SCIN: variants seen among roughly 807,000 people sequenced by gnomAD.
SCIN encodes the protein scinderin.
Under a neutral mutation model 91.8 loss-of-function variants are expected in SCIN, and 91 were observed. That is an observed-to-expected ratio of 0.99 (90% confidence interval 0.84 to 1.18). SCIN has a LOEUF of 1.18. Among genes scored for constraint, SCIN ranks in the 50% most tolerant of loss-of-function variants. SCIN has a pLI of 0.00. For synonymous variants in SCIN, 367 were observed against 312.6 expected, an observed-to-expected ratio of 1.17 and a Z score of -1.84; for missense variants, 1,087 against 863.9, an observed-to-expected ratio of 1.26 and a Z score of -3.24.
chr7:12,650,529 A>G (rs1373253023), intron 14 of SCIN, among the ~76,000 whole-genome samples: 5 of 152,088 alleles, frequency 3.3e-5, no homozygotes, highest in African/African-American at 9.7e-5. Flanking sequence ...CCATGCTTTC[A>G]TGGTTTGTTC....
At chr7:12,630,283 A>G (rs1437229093) in intron 9 of SCIN, among the ~76,000 whole-genome samples, 1 of 152,158 alleles carries the variant, frequency 6.6e-6, no homozygotes, top group Non-Finnish European at 1.5e-5. Flanking sequence ...AGCTTCTTAG[A>G]TATGTAGACT....
At chr7:12,575,528 C>G (rs748846529) in intron 1 of SCIN, among the ~76,000 whole-genome samples, 2 of 151,962 alleles carry the variant, frequency 1.3e-5, no homozygotes, top group Non-Finnish European at 2.9e-5. Flanking sequence ...CCTCTCTATT[C>G]CTAATTTGAC....
chr7:12,597,141 GA>G (rs767337618), intron 3 of SCIN, among the ~76,000 whole-genome samples: 1 of 152,062 alleles, frequency 6.6e-6, no homozygotes, highest in Non-Finnish European at 1.5e-5. Flanking sequence ...TAGATATAAA[GA>G]AACATTTGTT....
intron 3 of SCIN, among the ~76,000 whole-genome samples, chr7:12,585,283 T>G (rs1782564422): frequency 6.6e-6 from 1 of 152,148 alleles, no homozygotes; most frequent in Admixed American, 6.5e-5. Context: ...ACTTTTGACT[T>G]TTCCCAGCTT....
chr7:12,604,669 G>A lies in SCIN; in HGVS notation c.666+6G>A. ...AACCCTCAGAACTTATAAAGGTATT[G>A]TGACTCCTGTTGTTTGTTAAAGGGT... On this transcript the variant is annotated splice_donor_region_variant and intron_variant, in intron 4 of 15. Transcript: ENST00000297029. 6.4e-7 allele frequency: 1 copy of A among 1,551,340 alleles called. No individual in the cohort carries two copies. Among genetic ancestry groups the A allele is most frequent in the South Asian group, 1.2e-5 (1 of 83,978 alleles).
In SCIN at chr7:12,630,423, G is replaced by T. The variant is rs574144095; in HGVS notation, c.1319+1201G>T. ...GGTTTAGAACACTGACTGCATATTG[G>T]AATAACCTGGACAATTTCTCATAAA... is the stretch of plus-strand genomic sequence containing the variant. On this transcript the variant is annotated intron_variant, in intron 9 of 15. Coordinates refer to ENST00000297029, the MANE Select transcript of SCIN (RefSeq NM_001112706.3). 2.5e-4 allele frequency among the ~76,000 whole-genome samples: 38 copies of T among 152,240 alleles called. 1 individual carries two copies. The highest frequency in any genetic ancestry group is 3.4e-3 in the Middle Eastern group (1 of 294).
At chr7:12,594,544 T>C (rs747787132) in intron 3 of SCIN, among the ~76,000 whole-genome samples, 2 of 152,188 alleles carry the variant, frequency 1.3e-5, no homozygotes, top group Non-Finnish European at 1.5e-5. Context: ...CCAATTGGTA[T>C]TGAGGCCATG....
At chr7:12,588,804 T>TGGGCGGGG (rs1204389002) in intron 3 of SCIN, 1 of 2,644 alleles carries the variant, frequency 3.8e-4, no homozygotes, top group Non-Finnish European at 1.6e-3. Context: ...ACAGCTGCAT[T>TGGGCGGGG]GGGTGGGGGG....
At chr7:12,592,170 T>C (rs1782737246) in intron 3 of SCIN, among the ~76,000 whole-genome samples, 1 of 151,286 alleles carries the variant, frequency 6.6e-6, no homozygotes, top group Non-Finnish European at 1.5e-5. Context: ...TGTAGGGAAA[T>C]GGTAAAGAAG....
At chr7:12,642,084 A>G (rs1783869328) in intron 11 of SCIN, among the ~76,000 whole-genome samples, 1 of 151,524 alleles carries the variant, frequency 6.6e-6, no homozygotes, top group Admixed American at 6.6e-5. Context: ...TTATATATAT[A>G]CTATTATCCA....
chr7:12,606,115 G>A lies in SCIN; in HGVS notation c.666+1452G>A, dbSNP rs1783076089. Among the ~76,000 whole-genome samples, 8 of 152,164 alleles carry A rather than the reference G, an allele frequency of 5.3e-5. 1 individual carries two copies. The South Asian group carries it at 1.7e-3, about 32-fold the overall frequency. The stretch of plus-strand genomic sequence containing the variant: ...TTTGTTCATACAACAAATATTTATT[G>A]TACTCCTGCGATGCGCCAGGCACTA... On this transcript the variant is annotated intron_variant, in intron 4 of 15. Transcript: ENST00000297029.
intron 1 of SCIN, 36 bp from the exon 2 acceptor site, chr7:12,578,027 TG>T (rs773744307): frequency 4.0e-6 from 6 of 1,492,506 alleles, no homozygotes; most frequent in Non-Finnish European, 1.8e-6. Context: ...TCCTTTCTCT[TG>T]CTTGATAATT....
intron 4 of SCIN, among the ~76,000 whole-genome samples, chr7:12,620,026 AG>A (rs1783375273): frequency 6.6e-6 from 1 of 151,966 alleles, no homozygotes; most frequent in African/African-American, 2.4e-5. Context: ...TGCTTTATAA[AG>A]GGATAATTGA....
At chr7:12,608,766 C>A (rs11977329) in intron 4 of SCIN, among the ~76,000 whole-genome samples, 1 of 151,970 alleles carries the variant, frequency 6.6e-6, no homozygotes, top group Non-Finnish European at 1.5e-5. Context: ...TGTGAGCCTA[C>A]GCACCCGGCC....
intron 1 of SCIN, 119 bp downstream of exon 1, chr7:12,571,104 G>T: frequency 1.8e-6 from 2 of 1,139,134 alleles, no homozygotes; most frequent in East Asian, 2.6e-5. Flanking sequence ...AGCCACTCGC[G>T]CCCCCACGGG....
chr7:12,611,733 G>A (rs849788), intron 4 of SCIN, among the ~76,000 whole-genome samples: 143,874 of 152,204 alleles, frequency 0.95, 68,069 homozygotes, highest in East Asian at 1. Flanking sequence ...AAGAGTCTAA[G>A]GCTTTATAGG....
intron 5 of SCIN, among the ~76,000 whole-genome samples, chr7:12,623,525 C>G (rs1291207986): frequency 2.0e-5 from 3 of 151,962 alleles, no homozygotes; most frequent in Non-Finnish European, 4.4e-5. Context: ...TTTTTTTATT[C>G]TTTGTTTGTT....
intron 1 of SCIN, 176 bp downstream of exon 1, chr7:12,571,161 C>T (rs1782262497): frequency 2.9e-6 from 2 of 685,464 alleles, no homozygotes; most frequent in East Asian, 2.8e-5. Flanking sequence ...AGTCAACTCG[C>T]CGGCTGCAAA....
rs573395546 is a variant in SCIN at position 12,654,490 on chromosome 7, G to C, written c.*1775G>C. 1.2e-4 allele frequency: 18 copies of C among 152,168 alleles called. No homozygotes were observed. The highest frequency in any genetic ancestry group is 4.3e-4 in the African/African-American group (18 of 41,512). 9.4% of individuals were successfully genotyped at this position (152,168 alleles called of 1,614,324 possible). A position where few individuals can be genotyped will look rare whatever the true frequency, so the allele number is the denominator to read the frequency against. On this transcript the variant is annotated 3_prime_UTR_variant, in exon 16 of 16. Coordinates refer to ENST00000297029, the MANE Select transcript of SCIN (RefSeq NM_001112706.3). ...CCTGCATGCAACAAAAATGATGTAA[G>C]TAGACATTTAACATTTCTAGGAATG...
Sources: gnomAD v4.1 joint callset for allele counts (sites outside exome capture counted in the v4.1 genomes callset) on GRCh38, gnomAD v4.1.1 for gene constraint, MANE v1.5 for transcripts, NCBI Gene and HGNC (gene_info 2026-07-23, HGNC 2026-07-21) for gene names.